The following UBE2U variants were observed in gnomAD, a reference collection of about 807,000 sequenced individuals.
UBE2U encodes ubiquitin-conjugating enzyme E2 U.
In UBE2U, 39 loss-of-function variants were observed where a neutral mutation model predicts 41.2. That is an observed-to-expected ratio of 0.95 (90% CI 0.73 to 1.24). UBE2U has a LOEUF of 1.24. Among genes scored for constraint, UBE2U ranks in the 50% most tolerant of loss-of-function variants. UBE2U has a pLI of 0.00. For synonymous variants in UBE2U, 107 were observed against 117.8 expected (o/e 0.91, Z 0.60); for missense variants, 336 against 363.1 (o/e 0.93, Z 0.61).
chr1:64,235,761 G>C (rs958309255), intron 7 of UBE2U, among the ~76,000 whole-genome samples: 1 of 152,044 alleles, frequency 6.6e-6, no homozygotes, highest in African/African-American at 2.4e-5. Flanking sequence ...CATCATAATA[G>C]TAAGTTTATT....
At chr1:64,243,198 T>C in intron 8 of UBE2U, among the ~76,000 whole-genome samples, 1 of 152,192 alleles carries the variant, frequency 6.6e-6, no homozygotes, top group East Asian at 1.9e-4. Flanking sequence ...TGAGAATATA[T>C]TTAGATCAAG....
intron 8 of UBE2U, among the ~76,000 whole-genome samples, chr1:64,254,444 C>CA: frequency 6.6e-6 from 1 of 152,262 alleles, no homozygotes; most frequent in East Asian, 1.9e-4. Context: ...CACCCAAAAA[C>CA]AACAAAATAT....
At chr1:64,218,499 C>A (rs904879707) in intron 5 of UBE2U, among the ~76,000 whole-genome samples, 6 of 152,086 alleles carry the variant, frequency 3.9e-5, no homozygotes, top group Admixed American at 2.0e-4. Flanking sequence ...GAAATATGTC[C>A]TCTATCCCTG....
At chr1:64,257,295 T>C (rs1645108543) in intron 8 of UBE2U, among the ~76,000 whole-genome samples, 1 of 152,178 alleles carries the variant, frequency 6.6e-6, no homozygotes, top group Non-Finnish European at 1.5e-5. Flanking sequence ...CATTCTGTTA[T>C]AAGGACACAT....
chr1:64,221,824 C>T (rs539772788), intron 6 of UBE2U, among the ~76,000 whole-genome samples: 13 of 152,178 alleles, frequency 8.5e-5, no homozygotes, highest in Non-Finnish European at 1.6e-4. Flanking sequence ...CAGTGGCTCA[C>T]GCCTGTAATC....
chr1:64,222,105 A>AC (rs1465296159), intron 6 of UBE2U, among the ~76,000 whole-genome samples: 47 of 151,598 alleles, frequency 3.1e-4, no homozygotes, highest in African/African-American at 1.0e-3. Flanking sequence ...AAAAAAAAAA[A>AC]AAAACACAAA....
chr1:64,242,668 T>A (rs1484860356), intron 8 of UBE2U, among the ~76,000 whole-genome samples: 2 of 152,190 alleles, frequency 1.3e-5, no homozygotes, highest in Non-Finnish European at 2.9e-5. Context: ...AGTTTTTCAG[T>A]TGGATTTTCT....
chr1:64,211,629 C>T (rs1360889772), intron 4 of UBE2U, among the ~76,000 whole-genome samples: 5 of 151,596 alleles, frequency 3.3e-5, no homozygotes, highest in Non-Finnish European at 5.9e-5. Context: ...TCTGTAGAGA[C>T]GGGGTCTCAC....
intron 5 of UBE2U, among the ~76,000 whole-genome samples, chr1:64,217,772 T>A (rs1237478879): frequency 6.6e-6 from 1 of 152,190 alleles, no homozygotes; most frequent in Non-Finnish European, 1.5e-5. Flanking sequence ...CATTGAGTCA[T>A]AATACTAGAA....
chr1:64,246,980 G>T (rs1423948054), intron 8 of UBE2U, among the ~76,000 whole-genome samples: 1 of 152,150 alleles, frequency 6.6e-6, no homozygotes, highest in Non-Finnish European at 1.5e-5. Context: ...TGGAAGGCAG[G>T]ATTCAAAGGA....
At chr1:64,204,895 G>T (rs775869975) in intron 1 of UBE2U, among the ~76,000 whole-genome samples, 1 of 152,192 alleles carries the variant, frequency 6.6e-6, no homozygotes, top group Non-Finnish European at 1.5e-5. Flanking sequence ...CAATTATGGA[G>T]TCCAACAGCG....
chr1:64,217,137 A>AAG (rs1326292054), intron 5 of UBE2U, among the ~76,000 whole-genome samples: 1 of 152,222 alleles, frequency 6.6e-6, no homozygotes, highest in Non-Finnish European at 1.5e-5. Context: ...CAAGTTGCTT[A>AAG]AAAGAATGGA....
At chr1:64,239,166 G>GAAGAAGA (rs1644776154) in intron 7 of UBE2U, among the ~76,000 whole-genome samples, 1 of 84,682 alleles carries the variant, frequency 1.2e-5, no homozygotes, top group Non-Finnish European at 2.3e-5. Flanking sequence ...GAAAGAAGAA[G>GAAGAAGA]AAGAAGAAGA....
intron 6 of UBE2U, among the ~76,000 whole-genome samples, chr1:64,228,525 G>A (rs1461758094): frequency 6.6e-6 from 1 of 152,138 alleles, no homozygotes; most frequent in Non-Finnish European, 1.5e-5. Flanking sequence ...GAAATTCTGT[G>A]TGATGGAGCC....
chr1:64,221,335 ACTC>A (rs1652445145), intron 6 of UBE2U, among the ~76,000 whole-genome samples: 1 of 151,436 alleles, frequency 6.6e-6, no homozygotes. Flanking sequence ...CTAGTCTTGA[ACTC>A]CTGACCTCAG....
intron 7 of UBE2U, among the ~76,000 whole-genome samples, chr1:64,234,195 A>G (rs1207425010): frequency 6.6e-6 from 1 of 152,188 alleles, no homozygotes; most frequent in East Asian, 1.9e-4. Context: ...TATTATAGGC[A>G]TCTCATATTC....
intron 1 of UBE2U, 26 bp from the exon 2 acceptor site, chr1:64,205,613 G>A (rs1302720848): frequency 1.3e-6 from 2 of 1,578,268 alleles, no homozygotes; most frequent in Non-Finnish European, 1.7e-6. Context: ...AGTTTTTTCT[G>A]ATTTAATTTT....
rs746645812 is a variant in UBE2U, at chr1:64,232,576, C to T, written c.522C>T (p.Thr174=). 1.9e-6 allele frequency: 3 copies of T among 1,612,222 alleles called. No homozygotes were observed. In the African/African-American group the frequency reaches 4.0e-5, roughly 22 times the overall value. The change falls in exon 7 of 10, where the codon ACC becomes ACT. Residue 174 remains threonine (T), a synonymous_variant. Coordinates refer to ENST00000371077, the MANE Select transcript of UBE2U (RefSeq NM_001366232.2). ...PRKCIRPIKT[T]SFSDYYQTWS... ...ATATTTTCAGACCAATTAAAACAAC[C>T]TCATTTAGTGATTACTACCAGACAT... is the stretch of plus-strand genomic sequence containing the variant.
At chr1:64,245,278 G>A (rs764407139) in intron 8 of UBE2U, among the ~76,000 whole-genome samples, 38 of 152,180 alleles carry the variant, frequency 2.5e-4, no homozygotes, top group Non-Finnish European at 4.7e-4. Flanking sequence ...AATCTAATCA[G>A]TAGTTTGTAT....
Sources: gnomAD v4.1 joint callset for allele counts (sites outside exome capture counted in the v4.1 genomes callset) on GRCh38, gnomAD v4.1.1 for gene constraint, MANE v1.5 for transcripts, NCBI Gene and HGNC (gene_info 2026-07-23, HGNC 2026-07-21) for gene names.